The following CLCA4 variants were observed in gnomAD, a reference collection of about 807,000 sequenced individuals.
The protein encoded by CLCA4 is chloride channel accessory 4.
A neutral mutation model predicts 78.9 loss-of-function variants in CLCA4; 69 were observed. That is an observed-to-expected ratio of 0.87 (90% CI 0.72 to 1.07). The LOEUF (loss-of-function observed/expected upper bound fraction) is 1.07. Ranked by LOEUF, CLCA4 falls within the 50% of genes least tolerant of loss-of-function variation. The pLI, the probability that CLCA4 is intolerant of heterozygous loss-of-function variation, is 0.00. For missense variants in CLCA4, 1,133 were observed against 1,095.8 expected (o/e 1.03, Z -0.48); for synonymous variants, 362 against 375.8 (o/e 0.96, Z 0.42).
intron 9 of CLCA4, among the ~76,000 whole-genome samples, chr1:86,573,347 G>C (rs1022061707): frequency 6.6e-6 from 1 of 151,792 alleles, no homozygotes; most frequent in African/African-American, 2.4e-5. Context: ...CAAAAACTTT[G>C]AGTAAACTTT....
At chr1:86,570,621 C>G (rs1183163583) in intron 7 of CLCA4, among the ~76,000 whole-genome samples, 1 of 152,142 alleles carries the variant, frequency 6.6e-6, no homozygotes, top group Non-Finnish European at 1.5e-5. Context: ...AATTTGTAAT[C>G]ACTGACTTTT....
At chr1:86,561,744 A>T (rs1650025262) in intron 3 of CLCA4, among the ~76,000 whole-genome samples, 1 of 152,110 alleles carries the variant, frequency 6.6e-6, no homozygotes, top group Non-Finnish European at 1.5e-5. Context: ...TCCAATTTGT[A>T]AGCTTAATGT....
In CLCA4 at chr1:86,571,186, C is replaced by G. The variant is rs751296931; in HGVS notation, c.1292C>G (p.Ala431Gly). 3 of 1,612,728 alleles carry G rather than the reference C, an allele frequency of 1.9e-6. No individual in the cohort carries two copies. In the African/African-American group the frequency reaches 4.0e-5, roughly 22 times the overall value. Reference protein sequence around the residue: ...SCIDEVKQSGAIVHFIALGRA... With the variant: ...SCIDEVKQSGGIVHFIALGRA... ...ATTGATGAAGTGAAACAAAGTGGGGCCATTGTTCATTTTATTGCTTTGGGA... is the reference window on the plus strand; with the variant it reads ...ATTGATGAAGTGAAACAAAGTGGGGGCATTGTTCATTTTATTGCTTTGGGA... Residue 431 changes from alanine to glycine, a missense_variant, in exon 8 of 14, where the codon GCC (alanine) becomes GGC (glycine). Physicochemically the swap from Ala to Gly is moderately conservative, Grantham distance 60. Coordinates refer to ENST00000370563, the MANE Select transcript of CLCA4 (RefSeq NM_012128.4).
chr1:86,576,935 T>A (rs1308096898), intron 11 of CLCA4, among the ~76,000 whole-genome samples: 1 of 152,050 alleles, frequency 6.6e-6, no homozygotes, highest in Admixed American at 6.6e-5. Context: ...AGCAAGGAAA[T>A]AACTATATTG....
In CLCA4 at chr1:86,579,379, A is replaced by G. The variant is rs558488903; in HGVS notation, c.2148A>G (p.Arg716=). ...VNGEIEANPP[R]PEIDEDTQTT... is the part of the protein sequence containing the mutation. ...GGGAAATTGAAGCAAACCCGCCAAGACCTGAAATTGATGAGGATACTCAGA... is the reference window on the plus strand; with the variant it reads ...GGGAAATTGAAGCAAACCCGCCAAGGCCTGAAATTGATGAGGATACTCAGA... Residue 716 remains arginine (R), a synonymous_variant, in exon 13 of 14, where the codon AGA becomes AGG. Transcript: ENST00000370563. The G allele has an allele frequency of 6.2e-7, 1 of 1,613,134 alleles. No individual in the cohort carries two copies. Among genetic ancestry groups the G allele is most frequent in the South Asian group, 1.1e-5 (1 of 91,044 alleles).
chr1:86,570,833 T>C (rs2101811765), intron 7 of CLCA4, among the ~76,000 whole-genome samples: 1 of 152,190 alleles, frequency 6.6e-6, no homozygotes, highest in South Asian at 2.1e-4. Flanking sequence ...TAGACAGGAT[T>C]TTCCAAAGCC....
chr1:86,567,622 A>T lies in CLCA4; in HGVS notation c.1153A>T (p.Ile385Phe). ...LPTYPLGGTSICSGIKYAFQV... is the reference protein window; with the variant it reads ...LPTYPLGGTSFCSGIKYAFQV... ...TACATATCCTCTGGGAGGAACTTCC[A>T]TCTGCTCTGGAATTAAATATGCATT... The change falls in exon 7 of 14, where the codon ATC becomes TTC. Residue 385 changes from isoleucine (I) to phenylalanine (F), a missense_variant. Ile to Phe is a conservative substitution (Grantham distance 21, BLOSUM62 0). Coordinates refer to ENST00000370563, the MANE Select transcript of CLCA4 (RefSeq NM_012128.4). The T allele has an allele frequency of 6.2e-7, 1 of 1,612,308 alleles. No homozygotes were observed. Among genetic ancestry groups the T allele is most frequent in the Non-Finnish European group, 8.5e-7 (1 of 1,178,932 alleles).
At position 86,579,573 on chromosome 1, in the gene CLCA4, T is replaced by G. The variant is rs1161389586; in HGVS notation, c.2342T>G (p.Phe781Cys). The G allele has an allele frequency of 3.1e-6, 5 of 1,612,530 alleles. No homozygotes were observed. Among genetic ancestry groups the G allele is most frequent in the Non-Finnish European group, 4.2e-6 (5 of 1,179,054 alleles). ...ILTWTAPGDN[F>C]DVGKVQRYII... Reference sequence around the variant, plus strand: ...ACATGGACAGCACCAGGAGATAATTTTGATGTTGGAAAAGGTAAGGATGAA... The same window carrying G: ...ACATGGACAGCACCAGGAGATAATTGTGATGTTGGAAAAGGTAAGGATGAA... The change falls in exon 13 of 14, where the codon TTT (phenylalanine) becomes TGT (cysteine). Residue 781 changes from phenylalanine (F) to cysteine (C), a missense_variant. Phe to Cys is a radical substitution (Grantham distance 205). Transcript: ENST00000370563.
Position 86,560,037 on chromosome 1 carries a change from C to G in CLCA4, c.265C>G (p.Gln89Glu). ...TCCTGAGAATTGGAAGGAAAATCCT[C>G]AGTACAAAAGGCCAAAACATGAAAA... ...LIPENWKENP[Q>E]YKRPKHENHK... Residue 89 changes from glutamine to glutamate, a missense_variant, in exon 2 of 14, where the codon CAG (glutamine) becomes GAG (glutamate). Physicochemically the swap from Gln to Glu is conservative, Grantham distance 29 (BLOSUM62 2). Transcript: ENST00000370563. The G allele has an allele frequency of 6.2e-7, 1 of 1,607,438 alleles. No individual in the cohort carries two copies. The highest frequency in any genetic ancestry group is 8.5e-7 in the Non-Finnish European group (1 of 1,177,952).
In CLCA4 at chr1:86,577,357, C is replaced by T. The variant is rs576808955; in HGVS notation, c.1952-545C>T. On this transcript the variant is annotated intron_variant, in intron 11 of 13. Transcript: ENST00000370563. Reference sequence around the variant, plus strand: ...ACTTTAGTATGCAAAGGAATCATCTCGAGGGTTTGTAAGAACACAGAATGC... The same window carrying T: ...ACTTTAGTATGCAAAGGAATCATCTTGAGGGTTTGTAAGAACACAGAATGC... Among the ~76,000 whole-genome samples, 8 of 152,144 alleles carry T rather than the reference C, an allele frequency of 5.3e-5. No individual in the cohort carries two copies. The East Asian group carries it at 1.4e-3, about 26-fold the overall frequency.
rs749747365 is a variant in CLCA4, at chr1:86,565,404, G to C, written c.688G>C (p.Val230Leu). The C allele has an allele frequency of 1.9e-6, 3 of 1,607,408 alleles. No homozygotes were observed. The highest frequency in any genetic ancestry group is 2.6e-6 in the Non-Finnish European group (3 of 1,176,230). ...AGATTGTCAATTCTTTCCTGATAAAGTACAAACAGAAAAAGCATCCATAAT... is the reference window on the plus strand; with the variant it reads ...AGATTGTCAATTCTTTCCTGATAAACTACAAACAGAAAAAGCATCCATAAT... The part of the protein sequence containing the change: ...GKDCQFFPDK[V>L]QTEKASIMFM... The change falls in exon 5 of 14, where the codon GTA becomes CTA. Residue 230 changes from valine (V) to leucine (L), a missense_variant. Val to Leu is a conservative substitution (Grantham distance 32, BLOSUM62 1). Transcript: ENST00000370563.
At chr1:86,559,549 G>A (rs532078089) in intron 1 of CLCA4, among the ~76,000 whole-genome samples, 2 of 152,274 alleles carry the variant, frequency 1.3e-5, no homozygotes, top group African/African-American at 4.8e-5. Flanking sequence ...GTCCATTGAA[G>A]GATGAGGAAA....
At chr1:86,559,288 G>A (rs1432137381) in intron 1 of CLCA4, among the ~76,000 whole-genome samples, 1 of 151,932 alleles carries the variant, frequency 6.6e-6, no homozygotes, top group Non-Finnish European at 1.5e-5. Context: ...CTCTACTATG[G>A]GTTTTTTTTC....
chr1:86,567,464 A>G lies in CLCA4; in HGVS notation c.995A>G (p.His332Arg). ...AATCGAATGAATCAAGCAGCAAAAC[A>G]TTTCCTGCTGCAGACTGTTGAAAAT... ...RLNRMNQAAKHFLLQTVENGS... is the reference protein window; with the variant it reads ...RLNRMNQAAKRFLLQTVENGS... The change falls in exon 7 of 14, where the codon CAT becomes CGT. Residue 332 changes from histidine to arginine, a missense_variant. His to Arg is a conservative substitution (Grantham distance 29, BLOSUM62 0). Coordinates refer to ENST00000370563, the MANE Select transcript of CLCA4 (RefSeq NM_012128.4). 6.2e-7 allele frequency: 1 copy of G among 1,613,212 alleles called. No individual in the cohort carries two copies. The highest frequency in any genetic ancestry group is 1.3e-5 in the African/African-American group (1 of 74,992).
At chr1:86,564,430 G>T (rs1341692907) in intron 4 of CLCA4, among the ~76,000 whole-genome samples, 1 of 152,086 alleles carries the variant, frequency 6.6e-6, no homozygotes, top group Non-Finnish European at 1.5e-5. Context: ...ATCTTTTAGA[G>T]AGTATTACAT....
intron 1 of CLCA4, among the ~76,000 whole-genome samples, chr1:86,550,368 T>C (rs1649617287): frequency 1.3e-5 from 2 of 152,222 alleles, no homozygotes; most frequent in Admixed American, 1.3e-4. Flanking sequence ...TATCAAACTT[T>C]TCTTACTCAG....
At chr1:86,552,535 G>A (rs1649696453) in intron 1 of CLCA4, 5 of 512,574 alleles carry the variant, frequency 9.8e-6, no homozygotes, top group Non-Finnish European at 1.7e-5. Flanking sequence ...AGGCTGGGCA[G>A]CGGGCGGCAG....
intron 3 of CLCA4, among the ~76,000 whole-genome samples, chr1:86,562,943 C>G (rs1482464414): frequency 6.6e-6 from 1 of 151,356 alleles, no homozygotes; most frequent in African/African-American, 2.4e-5. Flanking sequence ...TTTTCAGATT[C>G]ATATGAGGTC....
At chr1:86,555,973 G>A (rs1649828786) in intron 1 of CLCA4, among the ~76,000 whole-genome samples, 1 of 152,114 alleles carries the variant, frequency 6.6e-6, no homozygotes, top group African/African-American at 2.4e-5. Flanking sequence ...AATTGTGAAT[G>A]GTATTGCCTA....
Sources: allele counts gnomAD v4.1 joint callset (sites outside exome capture counted in the v4.1 genomes callset), GRCh38; gene constraint gnomAD v4.1.1; transcripts MANE v1.5; gene names NCBI Gene and HGNC (gene_info 2026-07-23, HGNC 2026-07-21).